The following KIF6 variants were observed in gnomAD, a reference collection of about 807,000 sequenced individuals.
KIF6 encodes kinesin-like protein KIF6.
In KIF6, 106 loss-of-function variants were observed where a neutral mutation model predicts 112.7. The observed-to-expected ratio is 0.94, with a 90% CI of 0.80 to 1.11. The LOEUF (loss-of-function observed/expected upper bound fraction) is 1.11. Ranked by LOEUF, KIF6 falls within the 50% of genes least tolerant of loss-of-function variation. The pLI, the probability that KIF6 is intolerant of heterozygous loss-of-function variation, is 0.00. For missense variants in KIF6, 929 were observed against 964.0 expected (o/e 0.96, Z 0.48); for synonymous variants, 339 against 339.9 (o/e 1.00, Z 0.03).
At chr6:39,355,481 T>TC (rs1764590255) in intron 19 of KIF6, among the ~76,000 whole-genome samples, 1 of 123,816 alleles carries the variant, frequency 8.1e-6, no homozygotes, top group African/African-American at 3.2e-5. Flanking sequence ...TTTTTTTTTT[T>TC]GAGGCAGAGT....
chr6:39,414,604 T>C (rs1769762673), intron 15 of KIF6, among the ~76,000 whole-genome samples: 1 of 152,228 alleles, frequency 6.6e-6, no homozygotes, highest in Non-Finnish European at 1.5e-5. Context: ...GTGCCAAAGA[T>C]GACCTGTCAT....
At chr6:39,632,103 A>C (rs1369242409) in intron 5 of KIF6, among the ~76,000 whole-genome samples, 3 of 152,176 alleles carry the variant, frequency 2.0e-5, no homozygotes, top group Admixed American at 2.0e-4. Context: ...CCCTGACATA[A>C]TATATACAAA....
chr6:39,490,649 A>G (rs1775426775), intron 13 of KIF6, among the ~76,000 whole-genome samples: 1 of 152,198 alleles, frequency 6.6e-6, no homozygotes, highest in South Asian at 2.1e-4. Context: ...TATGCTGGAG[A>G]AGTCAGAGCA....
chr6:39,382,707 T>C (rs576130853), intron 16 of KIF6, among the ~76,000 whole-genome samples: 1 of 152,340 alleles, frequency 6.6e-6, no homozygotes, highest in African/African-American at 2.4e-5. Flanking sequence ...CTGGGTTGAA[T>C]GGCAGTTCTA....
At chr6:39,532,479 T>C (rs1242692130) in intron 13 of KIF6, among the ~76,000 whole-genome samples, 1 of 152,198 alleles carries the variant, frequency 6.6e-6, no homozygotes, top group African/African-American at 2.4e-5. Context: ...CCAGCAAAGA[T>C]GTATAGAAAA....
intron 13 of KIF6, among the ~76,000 whole-genome samples, chr6:39,513,404 T>C (rs1376756293): frequency 6.6e-6 from 1 of 152,194 alleles, no homozygotes; most frequent in African/African-American, 2.4e-5. Context: ...TGTTGAGACA[T>C]TGTTACCTTG....
Position 39,723,164 on chromosome 6 carries a change from G to T in KIF6, c.66+2081C>A, listed in dbSNP as rs183119788. Among the ~76,000 whole-genome samples, 15 of 152,262 alleles carry T rather than the reference G, an allele frequency of 9.9e-5. No individual in the cohort carries two copies. The East Asian group carries it at 2.9e-3, about 29-fold the overall frequency. ...GAAATGCATGTAAGTGATTATTAGA[G>T]GAGAGAAAATGGGAAGATACCCATG... On this transcript the variant is annotated intron_variant, in intron 1 of 22. Coordinates refer to ENST00000287152, the MANE Select transcript of KIF6 (RefSeq NM_145027.6).
At position 39,342,653 on chromosome 6, in the gene KIF6, A is replaced by C. The variant is rs1174023692; in HGVS notation, c.2428+1056T>G. Among the ~76,000 whole-genome samples the C allele has an allele frequency of 6.8e-6, 1 of 148,076 alleles. No individual in the cohort carries two copies. Among genetic ancestry groups the C allele is most frequent in the Non-Finnish European group, 1.5e-5 (1 of 67,812 alleles). On this transcript the variant is annotated intron_variant, in intron 22 of 22. Coordinates refer to ENST00000287152, the MANE Select transcript of KIF6 (RefSeq NM_145027.6). The surrounding 1 kb of genome is among the most constrained non-coding windows in gnomAD (Gnocchi z 4.7). The stretch of plus-strand genomic sequence containing the variant: ...TTTATTTTTAGACAAGGAAACTGAG[A>C]ATGAGACAAGATCACAGCAGAGGTG...
chr6:39,462,644 T>G (rs531491439), intron 13 of KIF6, among the ~76,000 whole-genome samples: 1 of 152,202 alleles, frequency 6.6e-6, no homozygotes, highest in South Asian at 2.1e-4. Flanking sequence ...TCTACAGAGA[T>G]GGGGTGGAGC....
At chr6:39,542,035 C>T (rs1778815906) in intron 12 of KIF6, among the ~76,000 whole-genome samples, 1 of 152,130 alleles carries the variant, frequency 6.6e-6, no homozygotes, top group Non-Finnish European at 1.5e-5. Flanking sequence ...AAGCCTAGCA[C>T]ACGTGGGACG....
At chr6:39,352,421 C>G (rs1764325043) in intron 19 of KIF6, among the ~76,000 whole-genome samples, 1 of 152,172 alleles carries the variant, frequency 6.6e-6, no homozygotes, top group Non-Finnish European at 1.5e-5. Context: ...TCCCTGTGCT[C>G]CATCTATTCA....
intron 19 of KIF6, among the ~76,000 whole-genome samples, chr6:39,351,712 G>A (rs924208757): frequency 1.3e-5 from 2 of 152,148 alleles, no homozygotes; most frequent in African/African-American, 2.4e-5. Context: ...CGCTGAGCAG[G>A]ATATTGCTAC....
At chr6:39,723,137 A>G (rs1286866745) in intron 1 of KIF6, among the ~76,000 whole-genome samples, 1 of 152,196 alleles carries the variant, frequency 6.6e-6, no homozygotes, top group East Asian at 1.9e-4. Flanking sequence ...GCACTCTAAA[A>G]AGAAATGCAT....
At chr6:39,690,973 T>C (rs1788174193) in intron 3 of KIF6, 1 of 152,218 alleles carries the variant, frequency 6.6e-6, no homozygotes, top group African/African-American at 2.4e-5. Flanking sequence ...TCCAATAAAA[T>C]ACAGTTAAAT....
At chr6:39,626,418 G>T (rs1784097684) in intron 5 of KIF6, among the ~76,000 whole-genome samples, 1 of 152,120 alleles carries the variant, frequency 6.6e-6, no homozygotes, top group Non-Finnish European at 1.5e-5. Context: ...ATATGACACA[G>T]ATCTCTTAGG....
At chr6:39,361,759 A>C (rs1000445612) in intron 17 of KIF6, among the ~76,000 whole-genome samples, 1 of 144,440 alleles carries the variant, frequency 6.9e-6, no homozygotes, top group African/African-American at 2.6e-5. Context: ...TGGGGCTTTG[A>C]TCTCCTGGGT....
chr6:39,386,832 G>C (rs1392935106), intron 15 of KIF6, among the ~76,000 whole-genome samples: 2 of 152,214 alleles, frequency 1.3e-5, no homozygotes, highest in South Asian at 2.1e-4. Flanking sequence ...AGTGCTGTCT[G>C]TATGGCATGT....
chr6:39,426,948 G>T (rs1454440432), intron 14 of KIF6, among the ~76,000 whole-genome samples: 2 of 152,168 alleles, frequency 1.3e-5, no homozygotes, highest in African/African-American at 2.4e-5. Flanking sequence ...CAAGGCTTTT[G>T]CATGGGGGCA....
intron 10 of KIF6, among the ~76,000 whole-genome samples, chr6:39,557,737 T>C (rs1175266319): frequency 6.6e-6 from 1 of 151,936 alleles, no homozygotes; most frequent in African/African-American, 2.4e-5. Context: ...AGAAAGCCCA[T>C]AGAACCTCTG....
Sources: allele counts gnomAD v4.1 joint callset (sites outside exome capture counted in the v4.1 genomes callset), GRCh38; gene constraint gnomAD v4.1.1; non-coding constraint Gnocchi (gnomAD v3.1); transcripts MANE v1.5; gene names NCBI Gene and HGNC (gene_info 2026-07-23, HGNC 2026-07-21).